The following ARHGEF7 variants were observed in gnomAD, a reference collection of about 807,000 sequenced individuals.
The protein encoded by ARHGEF7 is Rho guanine nucleotide exchange factor 7.
In ARHGEF7, 33 loss-of-function variants were observed where a neutral mutation model predicts 109.8. The observed-to-expected ratio is 0.30, with a 90% CI of 0.23 to 0.40. The LOEUF is 0.40. ARHGEF7 is among the 10% of genes least tolerant of loss of function. The probability of loss-of-function intolerance (pLI) is 1.00; values close to 1 mark genes in which losing one functional copy is unlikely to be tolerated. For synonymous variants in ARHGEF7, 458 were observed against 424.6 expected, an observed-to-expected ratio of 1.08 and a Z score of -0.97; for missense variants, 938 against 1,098.5, an observed-to-expected ratio of 0.85 and a Z score of 2.07.
At chr13:111,186,131 C>T (rs1310465856) in intron 2 of ARHGEF7, among the ~76,000 whole-genome samples, 2 of 152,136 alleles carry the variant, frequency 1.3e-5, no homozygotes, top group African/African-American at 4.8e-5. Context: ...CCTGTTGGGG[C>T]TGCGCTTCCC....
chr13:111,139,045 G>A (rs2075221524), intron 1 of ARHGEF7, among the ~76,000 whole-genome samples: 1 of 152,164 alleles, frequency 6.6e-6, no homozygotes, highest in African/African-American at 2.4e-5. Flanking sequence ...TGAAACAATG[G>A]AACATCTCGG....
Position 111,219,636 on chromosome 13 carries a change from C to A in ARHGEF7, c.670+1756C>A, listed in dbSNP as rs1248720520. On this transcript the variant is annotated intron_variant, in intron 5 of 21. Coordinates refer to ENST00000646102, the MANE Select transcript of ARHGEF7 (RefSeq NM_001354046.2). ...CAGGGTTCTGCTGCTTCTGTGTTCT[C>A]GCCAACTTGTTTTTTTTTTTCTTAA... Among the ~76,000 whole-genome samples the A allele has an allele frequency of 2.7e-5, 4 of 150,124 alleles. No individual in the cohort carries two copies. In the East Asian group the frequency reaches 7.7e-4, roughly 29 times the overall value.
chr13:111,154,757 CT>C (rs2076174459), intron 2 of ARHGEF7, among the ~76,000 whole-genome samples: 1 of 152,200 alleles, frequency 6.6e-6, no homozygotes, highest in African/African-American at 2.4e-5. Flanking sequence ...TGGGGTAGCA[CT>C]TTAAATACAG....
At chr13:111,152,658 CAGA>C (rs2075954252) in intron 1 of ARHGEF7, among the ~76,000 whole-genome samples, 2 of 152,304 alleles carry the variant, frequency 1.3e-5, no homozygotes, top group African/African-American at 4.8e-5. Context: ...TCCTACAGTA[CAGA>C]AGGACAAAAA....
intron 3 of ARHGEF7, among the ~76,000 whole-genome samples, chr13:111,206,991 A>AG (rs1456758855): frequency 5.5e-4 from 83 of 151,914 alleles, no homozygotes; most frequent in African/African-American, 1.9e-3. Flanking sequence ...AGAAAAAAAA[A>AG]GAAAATCACT....
At chr13:111,284,533 T>C (rs1209967845) in intron 16 of ARHGEF7, among the ~76,000 whole-genome samples, 1 of 152,178 alleles carries the variant, frequency 6.6e-6, no homozygotes, top group African/African-American at 2.4e-5. Context: ...CAAGAACTGG[T>C]GGAGACTGAA....
chr13:111,282,714 C>T (rs1210477214), intron 15 of ARHGEF7: 1 of 201,068 alleles, frequency 5.0e-6, no homozygotes, highest in African/African-American at 2.3e-5. Flanking sequence ...ACTTTATCAC[C>T]AGGTGAAGAA....
chr13:111,221,574 C>CTAT (rs2084363685), intron 5 of ARHGEF7, among the ~76,000 whole-genome samples: 2 of 95,838 alleles, frequency 2.1e-5, no homozygotes, highest in Non-Finnish European at 4.1e-5. Context: ...TATATAGATA[C>CTAT]ATATCTATAT....
At chr13:111,296,606 T>G (rs2093433779) in intron 19 of ARHGEF7, among the ~76,000 whole-genome samples, 1 of 152,202 alleles carries the variant, frequency 6.6e-6, no homozygotes, top group South Asian at 2.1e-4. Flanking sequence ...TTTGTGTATG[T>G]GGTTATAGAA....
At chr13:111,173,541 G>A (rs2153417584) in intron 2 of ARHGEF7, among the ~76,000 whole-genome samples, 1 of 152,362 alleles carries the variant, frequency 6.6e-6, no homozygotes, top group South Asian at 2.1e-4. Flanking sequence ...GAGGGACAGG[G>A]CAGAGTGCTC....
intron 8 of ARHGEF7, among the ~76,000 whole-genome samples, chr13:111,251,861 A>G (rs2089822394): frequency 6.6e-6 from 1 of 152,210 alleles, no homozygotes; most frequent in South Asian, 2.1e-4. Context: ...ACATACACTC[A>G]TGCATGCATG....
intron 6 of ARHGEF7, among the ~76,000 whole-genome samples, chr13:111,238,253 T>C (rs572101884): frequency 3.9e-5 from 6 of 152,264 alleles, no homozygotes; most frequent in African/African-American, 1.4e-4. Flanking sequence ...TTTTGTTGAA[T>C]CGTCCATGCT....
At chr13:111,230,850 T>C (rs2085948314) in intron 5 of ARHGEF7, among the ~76,000 whole-genome samples, 1 of 152,238 alleles carries the variant, frequency 6.6e-6, no homozygotes, top group Admixed American at 6.5e-5. Context: ...TGCCTGGACT[T>C]AATCTGATTT....
Position 111,131,685 on chromosome 13 carries a change from G to A in ARHGEF7, c.165+15994G>A, listed in dbSNP as rs769532046. 6.6e-6 allele frequency among the ~76,000 whole-genome samples: 1 copy of A among 152,160 alleles called. No individual in the cohort carries two copies. Among genetic ancestry groups the A allele is most frequent in the Non-Finnish European group, 1.5e-5 (1 of 68,028 alleles). ...CATTAGGAGACGGGCAGTGACCTGA[G>A]GTCAGGGGACGAGAGTGCTGGTGTG... On this transcript the variant is annotated intron_variant, in intron 1 of 21. Coordinates refer to ENST00000646102, the MANE Select transcript of ARHGEF7 (RefSeq NM_001354046.2). This position sits in a 1 kb window ranked among gnomAD's most constrained non-coding sequence, Gnocchi z 4.4.
chr13:111,287,695 T>C lies in ARHGEF7; in HGVS notation c.2045-659T>C, dbSNP rs3783084. On this transcript the variant is annotated intron_variant, in intron 17 of 21. Transcript: ENST00000646102. ...CTGGGGAGGAGCTCTCCAGGCCTGG[T>C]TGCAGAGACCCTGAGCAGGAACCCC... Among the ~76,000 whole-genome samples the C allele has an allele frequency of 2.6e-4, 39 of 151,906 alleles. 1 individual carries two copies. In the East Asian group the frequency reaches 7.5e-3, roughly 29 times the overall value.
At chr13:111,188,187 C>T (rs1029821966) in intron 2 of ARHGEF7, among the ~76,000 whole-genome samples, 3 of 152,186 alleles carry the variant, frequency 2.0e-5, no homozygotes, top group Admixed American at 2.0e-4. Context: ...CTCACAGCCA[C>T]GCTGTGGAGC....
intron 9 of ARHGEF7, among the ~76,000 whole-genome samples, chr13:111,268,459 T>C (rs1028074008): frequency 5.3e-5 from 8 of 152,218 alleles, no homozygotes; most frequent in Non-Finnish European, 1.0e-4. Flanking sequence ...TGGAAAAGTA[T>C]TGTTTTAGTA....
At position 111,164,762 on chromosome 13, in the gene ARHGEF7, T is replaced by C. The variant is rs554966752; in HGVS notation, c.252+10771T>C. 3.9e-5 allele frequency among the ~76,000 whole-genome samples: 6 copies of C among 152,324 alleles called. No homozygotes were observed. The East Asian group carries it at 1.2e-3, about 29-fold the overall frequency. On this transcript the variant is annotated intron_variant, in intron 2 of 21. Transcript: ENST00000646102. The stretch of plus-strand genomic sequence containing the variant: ...GTTACCACCATTTTCCTCACACGAT[T>C]GCATCCGTGACCCCAGGCAAGCGGA...
At position 111,258,488 on chromosome 13, in the gene ARHGEF7, G is replaced by A. The variant is rs553072165; in HGVS notation, c.951-9060G>A. On this transcript the variant is annotated intron_variant, in intron 8 of 21. Transcript: ENST00000646102. This position sits in a 1 kb window ranked among gnomAD's most constrained non-coding sequence, Gnocchi z 4.4. ...TTTATAGACATACCTTGGACCAAAAGGGAACCCACTGCTTGGAAGGGAAGC... is the reference window on the plus strand; with the variant it reads ...TTTATAGACATACCTTGGACCAAAAAGGAACCCACTGCTTGGAAGGGAAGC... 6.6e-6 allele frequency among the ~76,000 whole-genome samples: 1 copy of A among 152,324 alleles called. No individual in the cohort carries two copies. The highest frequency in any genetic ancestry group is 2.1e-4 in the South Asian group (1 of 4,832).
Sources: allele counts gnomAD v4.1 joint callset (sites outside exome capture counted in the v4.1 genomes callset), GRCh38; gene constraint gnomAD v4.1.1; non-coding constraint Gnocchi (gnomAD v3.1); transcripts MANE v1.5; gene names NCBI Gene and HGNC (gene_info 2026-07-23, HGNC 2026-07-21).